The following ENOX2 variants were observed in gnomAD, a reference collection of about 807,000 sequenced individuals.
ENOX2 encodes the protein ecto-NOX disulfide-thiol exchanger 2.
A neutral mutation model predicts 45.0 loss-of-function variants in ENOX2; 36 were observed. That is an observed-to-expected ratio of 0.80 (90% CI 0.61 to 1.06). ENOX2 has a LOEUF of 1.06. ENOX2 is among the 50% of genes least tolerant of loss of function. ENOX2 has a pLI of 0.00. For missense variants in ENOX2, 423 were observed against 462.5 expected (o/e 0.91, Z 0.78); for synonymous variants, 174 against 152.3 (o/e 1.14, Z -1.05).
Position 130,803,130 on chromosome X carries a change from T to C in ENOX2, c.-182-19440A>G, listed in dbSNP as rs544045280. ...TATTTGTTGGATCATGTAATATTTT[T>C]AAAAGTGAATAATTTATAAAATCAT... On this transcript the variant is annotated intron_variant, in intron 2 of 14. Coordinates refer to ENST00000394363, the MANE Select transcript of ENOX2 (RefSeq NM_006375.4). 5.1e-3 allele frequency among the ~76,000 whole-genome samples: 568 copies of C among 112,389 alleles called. 2 individuals carry two copies. The highest frequency in any genetic ancestry group is 8.4e-3 in the Non-Finnish European group (449 of 53,192).
At chrX:130,693,405 T>A (rs1446175073) in intron 4 of ENOX2, among the ~76,000 whole-genome samples, 1 of 112,053 alleles carries the variant, frequency 8.9e-6, no homozygotes, top group East Asian at 2.8e-4. Context: ...AGCTTGGATA[T>A]TGTTATCCTT....
At chrX:130,650,406 G>A (rs1226007518) in intron 10 of ENOX2, among the ~76,000 whole-genome samples, 1 of 111,232 alleles carries the variant, frequency 9.0e-6, no homozygotes, top group African/African-American at 3.3e-5. Flanking sequence ...GCTACTGAGG[G>A]GACCTTACCT....
chrX:130,767,862 A>G (rs1430579799), intron 3 of ENOX2, among the ~76,000 whole-genome samples: 1 of 112,138 alleles, frequency 8.9e-6, no homozygotes, highest in Non-Finnish European at 1.9e-5. Context: ...AGTAACCCAC[A>G]CAGTGGTAAA....
At chrX:130,835,264 C>A (rs1189171708) in intron 2 of ENOX2, among the ~76,000 whole-genome samples, 2 of 111,508 alleles carry the variant, frequency 1.8e-5, no homozygotes, top group Admixed American at 1.9e-4. Context: ...AAATAGCTAT[C>A]ATTCACAGAG....
At chrX:130,767,846 G>A (rs2039652232) in intron 3 of ENOX2, among the ~76,000 whole-genome samples, 1 of 112,036 alleles carries the variant, frequency 8.9e-6, no homozygotes, top group Non-Finnish European at 1.9e-5. Context: ...AGATATCTTT[G>A]CATAAAGTAA....
intron 10 of ENOX2, among the ~76,000 whole-genome samples, chrX:130,654,720 A>G (rs2036501009): frequency 8.9e-6 from 1 of 112,446 alleles, no homozygotes; most frequent in Non-Finnish European, 1.9e-5. Context: ...AGTCTATTGT[A>G]GATAGCTTTA....
chrX:130,809,756 T>TGTGTATGTGTGCATGTGC (rs2077362101), intron 2 of ENOX2, among the ~76,000 whole-genome samples: 1 of 110,532 alleles, frequency 9.0e-6, no homozygotes, highest in African/African-American at 3.3e-5. Context: ...TGTGTGTGTG[T>TGTGTATGTGTGCATGTGC]GTGTATGTGT....
intron 10 of ENOX2, chrX:130,646,043 C>T (rs1211813449): frequency 1.1e-5 from 6 of 562,277 alleles, no homozygotes; most frequent in Non-Finnish European, 2.0e-5. Context: ...GTAACGTCAA[C>T]GTCCCTAGCA....
intron 2 of ENOX2, among the ~76,000 whole-genome samples, chrX:130,802,609 T>G (rs144497114): frequency 2.0e-3 from 226 of 111,756 alleles, no homozygotes; most frequent in African/African-American, 7.0e-3. Flanking sequence ...GTGACTTGTT[T>G]AAAGTTCCAC....
intron 2 of ENOX2, among the ~76,000 whole-genome samples, chrX:130,837,139 T>C (rs1030592159): frequency 1.1e-4 from 12 of 112,486 alleles, no homozygotes; most frequent in Non-Finnish European, 1.5e-4. Context: ...GATTACAAAT[T>C]ATTACAATGA....
chrX:130,688,491 A>G (rs1249310949), intron 5 of ENOX2, among the ~76,000 whole-genome samples: 2 of 112,385 alleles, frequency 1.8e-5, no homozygotes. Flanking sequence ...CCAAATGTAT[A>G]TTCTCATGTG....
intron 12 of ENOX2, among the ~76,000 whole-genome samples, chrX:130,632,228 C>T (rs965414122): frequency 1.6e-4 from 18 of 110,705 alleles, no homozygotes; most frequent in Admixed American, 1.4e-3. Context: ...TAGTCTTTCT[C>T]TCTCTCTGAT....
chrX:130,667,351 A>G (rs1308398645), intron 8 of ENOX2, among the ~76,000 whole-genome samples, 179 bp downstream of exon 8: 1 of 111,813 alleles, frequency 8.9e-6, no homozygotes, highest in Non-Finnish European at 1.9e-5. Flanking sequence ...AGGTGCGCAC[A>G]TGTCTCCTGT....
At chrX:130,701,408 C>CTCTA (rs1187028644) in intron 4 of ENOX2, among the ~76,000 whole-genome samples, 1 of 110,552 alleles carries the variant, frequency 9.0e-6, no homozygotes, top group East Asian at 2.8e-4. Context: ...AGTTTAAATT[C>CTCTA]TATTATAATC....
chrX:130,902,844 A>G (rs1216285801), intron 1 of ENOX2, among the ~76,000 whole-genome samples: 1 of 103,548 alleles, frequency 9.7e-6, no homozygotes, highest in Non-Finnish European at 2.0e-5. Context: ...GAGCAAAGAC[A>G]GCGCGCTCCC....
chrX:130,861,858 G>A (rs968122553), intron 2 of ENOX2, among the ~76,000 whole-genome samples: 6 of 111,520 alleles, frequency 5.4e-5, no homozygotes, highest in African/African-American at 2.0e-4. Flanking sequence ...ATAGGTTAAT[G>A]ACATAGATTA....
chrX:130,741,515 T>G (rs181898251), intron 3 of ENOX2, among the ~76,000 whole-genome samples: 1 of 112,012 alleles, frequency 8.9e-6, no homozygotes, highest in East Asian at 2.8e-4. Context: ...AGCATTTTGT[T>G]CTGGGTATAA....
rs909783855 is a variant in ENOX2 at position 130,622,834 on chromosome X, T to C, written c.*2480A>G. On this transcript the variant is annotated 3_prime_UTR_variant, in exon 15 of 15. Transcript: ENST00000394363. The stretch of plus-strand genomic sequence containing the variant: ...TATAGATATATATGAGAGAGATCTA[T>C]TTATTTTAAGGAATTGGCTCTTGCA... Among the ~76,000 whole-genome samples, 3 of 111,883 alleles carry C rather than the reference T, an allele frequency of 2.7e-5. No homozygotes were observed. Among genetic ancestry groups the C allele is most frequent in the Admixed American group, 9.5e-5 (1 of 10,508 alleles).
intron 3 of ENOX2, among the ~76,000 whole-genome samples, chrX:130,767,289 T>C: frequency 8.9e-6 from 1 of 111,986 alleles, no homozygotes. Context: ...CAGGAACATA[T>C]ATTGTTTTAT....
Sources: gnomAD v4.1 joint callset for allele counts (sites outside exome capture counted in the v4.1 genomes callset) on GRCh38, gnomAD v4.1.1 for gene constraint, MANE v1.5 for transcripts, NCBI Gene and HGNC (gene_info 2026-07-23, HGNC 2026-07-21) for gene names.